The following LYST variants were observed in gnomAD, a reference collection of about 807,000 sequenced individuals.
LYST encodes lysosomal-trafficking regulator.
Under a neutral mutation model 413.6 loss-of-function variants are expected in LYST, and 192 were observed. The observed-to-expected ratio is 0.46, with a 90% CI of 0.41 to 0.52. The LOEUF (loss-of-function observed/expected upper bound fraction) is 0.52. Ranked by LOEUF, LYST falls within the 20% of genes least tolerant of loss-of-function variation. The probability of loss-of-function intolerance (pLI) is 0.00; values close to 1 mark genes in which losing one functional copy is unlikely to be tolerated. For synonymous variants in LYST, 1,525 were observed against 1,567.3 expected, an observed-to-expected ratio of 0.97 and a Z score of 0.64; for missense variants, 3,815 against 4,499.9, an observed-to-expected ratio of 0.85 and a Z score of 4.35.
rs1360669475 is a variant in LYST at position 235,702,698 on chromosome 1, A to G, written c.10374+49T>C. 9 of 1,471,162 alleles carry G rather than the reference A, an allele frequency of 6.1e-6. No individual in the cohort carries two copies. The Admixed American group carries it at 1.0e-4, about 16-fold the overall frequency. The allele number at this position is 1,471,162 out of a possible 1,614,324, so 91.1% of individuals were successfully genotyped here. ...ACCTGGGAGAGTGCCTGGCATCACAAGAGTCTAATCAGGTTTTGCTGCACT... is the reference window on the plus strand; with the variant it reads ...ACCTGGGAGAGTGCCTGGCATCACAGGAGTCTAATCAGGTTTTGCTGCACT... On this transcript the variant is annotated intron_variant, in intron 45 of 52. Transcript: ENST00000389793.
At chr1:235,715,869 A>T (rs187858237) in intron 41 of LYST, among the ~76,000 whole-genome samples, 18 of 45,464 alleles carry the variant, frequency 4.0e-4, no homozygotes, top group African/African-American at 1.2e-3. Flanking sequence ...TATCAGAGAT[A>T]AAAAAAAAAA....
chr1:235,818,198 C>T (rs183420109), intron 3 of LYST, among the ~76,000 whole-genome samples: 184 of 152,154 alleles, frequency 1.2e-3, no homozygotes, highest in African/African-American at 4.3e-3. Context: ...CTGAAACATA[C>T]ATACCAAGAG....
At chr1:235,719,260 A>G (rs1422169798) in intron 40 of LYST, among the ~76,000 whole-genome samples, 5 of 151,998 alleles carry the variant, frequency 3.3e-5, no homozygotes, top group African/African-American at 1.2e-4. Flanking sequence ...TCAAGCCATC[A>G]GCCCACCTTG....
chr1:235,794,869 G>A (rs1330056319), intron 10 of LYST, among the ~76,000 whole-genome samples: 1 of 152,076 alleles, frequency 6.6e-6, no homozygotes, highest in Non-Finnish European at 1.5e-5. Flanking sequence ...AAACTGAGAG[G>A]TTCCAGTTAA....
At chr1:235,827,332 G>A in intron 3 of LYST, 1 of 588,830 alleles carries the variant, frequency 1.7e-6, no homozygotes, top group South Asian at 7.5e-5. Context: ...TTGTGCCGCT[G>A]CAGTCCAGCC....
chr1:235,746,474 A>G lies in LYST; in HGVS notation c.7834T>C (p.Ser2612Pro), dbSNP rs370422240. 2 of 1,613,886 alleles carry G rather than the reference A, an allele frequency of 1.2e-6. No homozygotes were observed. Among genetic ancestry groups the G allele is most frequent in the African/African-American group, 1.3e-5 (1 of 75,006 alleles). Reference protein sequence around the residue: ...QTESLLMKMRSVANDELHVMM... With the variant: ...QTESLLMKMRPVANDELHVMM... ...ACATGAAGCTCATCATTTGCCACTG[A>G]ACGCATTTTCATCAGAAGCGATTCA... Residue 2612 changes from serine (S) to proline (P), a missense_variant, in exon 29 of 53, where the codon TCA becomes CCA. Ser to Pro is a moderately conservative substitution (Grantham distance 74). This residue lies in a region of LYST where 771 missense variants were observed against 837.1 expected (regional missense o/e 0.92). Transcript: ENST00000389793.
At chr1:235,704,054 G>C (rs983147837) in intron 44 of LYST, among the ~76,000 whole-genome samples, 1 of 152,136 alleles carries the variant, frequency 6.6e-6, no homozygotes, top group African/African-American at 2.4e-5. Context: ...ATGGCCTCCA[G>C]CTCCATACAC....
chr1:235,834,428 G>A (rs913951945), intron 1 of LYST, among the ~76,000 whole-genome samples: 1 of 152,066 alleles, frequency 6.6e-6, no homozygotes, highest in African/African-American at 2.4e-5. Flanking sequence ...AAATGAGATG[G>A]GGTCTTGCTG....
chr1:235,790,367 T>C (rs1028032315), intron 12 of LYST, among the ~76,000 whole-genome samples: 5 of 152,206 alleles, frequency 3.3e-5, no homozygotes, highest in African/African-American at 4.8e-5. Context: ...AAAATACAGA[T>C]AGTATGAGCA....
intron 29 of LYST, among the ~76,000 whole-genome samples, chr1:235,745,816 T>C (rs1665863993): frequency 6.6e-6 from 1 of 152,178 alleles, no homozygotes; most frequent in East Asian, 1.9e-4. Flanking sequence ...TCCATTTATA[T>C]AACATTCTTG....
At chr1:235,771,917 G>GGTTT (rs1553291134) in intron 19 of LYST, among the ~76,000 whole-genome samples, 6 of 72,710 alleles carry the variant, frequency 8.3e-5, no homozygotes, top group African/African-American at 3.3e-4. Context: ...TTTTTAGTTT[G>GGTTT]TTTTTTTTTT....
chr1:235,791,053 G>A (rs529082568), intron 12 of LYST, among the ~76,000 whole-genome samples: 1 of 152,244 alleles, frequency 6.6e-6, no homozygotes, highest in African/African-American at 2.4e-5. Context: ...GGAAGCTGAG[G>A]TGGGCAGATC....
intron 1 of LYST, among the ~76,000 whole-genome samples, chr1:235,857,776 CACACACACAT>C (rs1171847798): frequency 3.6e-5 from 5 of 140,496 alleles, no homozygotes; most frequent in African/African-American, 1.4e-4. Context: ...CACACACACA[CACACACACAT>C]ATATATATAA....
chr1:235,827,893 T>G (rs1180410379), intron 3 of LYST: 1 of 700,502 alleles, frequency 1.4e-6, no homozygotes, highest in Non-Finnish European at 1.8e-6. Flanking sequence ...TAGACTTGGT[T>G]CCAGAATACA....
intron 40 of LYST, among the ~76,000 whole-genome samples, chr1:235,717,349 C>A (rs1394184799): frequency 6.6e-6 from 1 of 152,208 alleles, no homozygotes; most frequent in Non-Finnish European, 1.5e-5. Flanking sequence ...AATACCATTG[C>A]GCACAGTGTA....
rs1666543765 is a variant in LYST, at chr1:235,752,008, G to C, written c.7624C>G (p.Gln2542Glu). 1 of 1,604,766 alleles carries C rather than the reference G, an allele frequency of 6.2e-7. No individual in the cohort carries two copies. The highest frequency in any genetic ancestry group is 1.3e-5 in the African/African-American group (1 of 74,686). Residue 2542 changes from glutamine (Q) to glutamate (E), a missense_variant, in exon 27 of 53, where the codon CAA becomes GAA. Coordinates refer to ENST00000389793, the MANE Select transcript of LYST (RefSeq NM_000081.4). ...YLQNSKNKRTQNMAVALQLRV... is the reference protein window; with the variant it reads ...YLQNSKNKRTENMAVALQLRV... ...ATTCATAAAAATTAAATCTTACTTT[G>C]TGTCCTCTTGTTTTTGCTATTTTGA...
Position 235,781,950 on chromosome 1 carries a change from A to G in LYST, c.5000T>C (p.Leu1667Pro), listed in dbSNP as rs1341425873. ...EFLQLAGKWD[L>P]GNLLLFNGAK... Reference sequence around the variant, plus strand: ...ACCGTTGAAGAGAAGCAAATTTCCCAGGTCCCATTTTCCAGCCAACTGCAA... The same window carrying G: ...ACCGTTGAAGAGAAGCAAATTTCCCGGGTCCCATTTTCCAGCCAACTGCAA... The change falls in exon 15 of 53, where the codon CTG becomes CCG. Residue 1667 changes from leucine to proline, a missense_variant. This residue lies in a region of LYST where 530 missense variants were observed against 696.5 expected (regional missense o/e 0.76). Transcript: ENST00000389793. 6.2e-7 allele frequency: 1 copy of G among 1,613,134 alleles called. No homozygotes were observed. The highest frequency in any genetic ancestry group is 2.2e-5 in the East Asian group (1 of 44,816).
chr1:235,679,434 G>C (rs1257669568), intron 48 of LYST, among the ~76,000 whole-genome samples: 1 of 151,910 alleles, frequency 6.6e-6, no homozygotes, highest in African/African-American at 2.4e-5. Flanking sequence ...CTAAATCTTT[G>C]AAAATTTCCT....
intron 31 of LYST, chr1:235,737,921 G>GGAGAAGTGTA: frequency 8.5e-7 from 1 of 1,176,874 alleles, no homozygotes; most frequent in Non-Finnish European, 1.1e-6. Flanking sequence ...CGACGAGTCT[G>GGAGAAGTGTA]GATCTCACTG....
Sources: allele counts gnomAD v4.1 joint callset (sites outside exome capture counted in the v4.1 genomes callset), GRCh38; gene constraint gnomAD v4.1.1; regional missense constraint gnomAD v4.1.1; transcripts MANE v1.5; gene names NCBI Gene and HGNC (gene_info 2026-07-23, HGNC 2026-07-21).